Variants in TMEM217B observed in about 807,000 individuals in gnomAD.
TMEM217B encodes transmembrane protein 217B.
the TMEM217B span, among the ~76,000 whole-genome samples, chr6:37,239,534 A>G: frequency 6.6e-6 from 1 of 152,176 alleles, no homozygotes; most frequent in African/African-American, 2.4e-5. Context: ...GATATGAGAA[A>G]GCATTGAAGC....
At chr6:37,252,937 A>C in the TMEM217B span, among the ~76,000 whole-genome samples, 1 of 151,874 alleles carries the variant, frequency 6.6e-6, no homozygotes, top group Non-Finnish European at 1.5e-5. Context: ...ACTGTTACCC[A>C]GGTGATGTAT....
chr6:37,238,614 G>A, the TMEM217B span, among the ~76,000 whole-genome samples: 9 of 152,190 alleles, frequency 5.9e-5, no homozygotes, highest in Non-Finnish European at 1.3e-4. Flanking sequence ...GGTAAGAGAA[G>A]ATGATGTGGC....
At chr6:37,219,125 C>G in the TMEM217B span, 2 of 1,236,944 alleles carry the variant, frequency 1.6e-6, no homozygotes, top group South Asian at 1.4e-5. Context: ...TTCCCCAAAT[C>G]TACTTTGGAG....
the TMEM217B span, chr6:37,215,149 C>A: frequency 6.2e-7 from 1 of 1,603,478 alleles, no homozygotes; most frequent in Non-Finnish European, 8.5e-7. Context: ...ACTTCCCTTT[C>A]TGCCGCTAGC....
At chr6:37,245,695 C>CAGG in the TMEM217B span, among the ~76,000 whole-genome samples, 4 of 151,402 alleles carry the variant, frequency 2.6e-5, no homozygotes, top group African/African-American at 7.3e-5. Flanking sequence ...AGAGGAGGAG[C>CAGG]AGGAGGAGGA....
chr6:37,225,213 A>G, the TMEM217B span, among the ~76,000 whole-genome samples: 2 of 152,218 alleles, frequency 1.3e-5, no homozygotes, highest in South Asian at 4.2e-4. Context: ...AAAAGAAAAA[A>G]AAATTACCAA....
At chr6:37,222,449 C>T in the TMEM217B span, among the ~76,000 whole-genome samples, 1 of 152,190 alleles carries the variant, frequency 6.6e-6, no homozygotes, top group Non-Finnish European at 1.5e-5. Context: ...AGGGGGCCTC[C>T]TGGGGTCCCC....
the TMEM217B span, among the ~76,000 whole-genome samples, chr6:37,219,343 A>G: frequency 2.0e-5 from 3 of 152,196 alleles, no homozygotes; most frequent in East Asian, 5.8e-4. Context: ...ACCAATCACA[A>G]CATTCTCTGG....
chr6:37,236,567 A>G, the TMEM217B span, among the ~76,000 whole-genome samples: 1 of 152,052 alleles, frequency 6.6e-6, no homozygotes, highest in Non-Finnish European at 1.5e-5. Context: ...TTGCAAGTCA[A>G]ATGCCCAGGC....
At chr6:37,237,124 C>A in the TMEM217B span, among the ~76,000 whole-genome samples, 1 of 152,136 alleles carries the variant, frequency 6.6e-6, no homozygotes, top group Non-Finnish European at 1.5e-5. Context: ...AAGTGAGTCA[C>A]CAAGGCCATA....
the TMEM217B span, among the ~76,000 whole-genome samples, chr6:37,217,229 G>A: frequency 2.0e-5 from 3 of 152,346 alleles, no homozygotes; most frequent in African/African-American, 7.2e-5. Flanking sequence ...GGGAGGCGGG[G>A]GTTGCAGTGA....
At chr6:37,228,025 C>A in the TMEM217B span, among the ~76,000 whole-genome samples, 2 of 152,084 alleles carry the variant, frequency 1.3e-5, no homozygotes, top group Non-Finnish European at 2.9e-5. Flanking sequence ...GATAAAGAGA[C>A]TTCTAAAGCA....
chr6:37,254,989 T>C, the TMEM217B span, among the ~76,000 whole-genome samples: 1 of 152,216 alleles, frequency 6.6e-6, no homozygotes, highest in Non-Finnish European at 1.5e-5. Flanking sequence ...TTCAAACTCC[T>C]GTGAGAATCT....
chr6:37,239,625 C>T, the TMEM217B span, among the ~76,000 whole-genome samples: 1 of 152,036 alleles, frequency 6.6e-6, no homozygotes, highest in Admixed American at 6.6e-5. Context: ...CTTAGATTTA[C>T]TCAATCATGG....
chr6:37,230,725 A>G, the TMEM217B span, among the ~76,000 whole-genome samples: 120,221 of 152,122 alleles, frequency 0.79, 47,972 homozygotes, highest in East Asian at 0.91. Flanking sequence ...ACTCTGTGAT[A>G]TGTAGTTATA....
the TMEM217B span, among the ~76,000 whole-genome samples, chr6:37,254,632 G>T: frequency 6.6e-6 from 1 of 152,130 alleles, no homozygotes; most frequent in Non-Finnish European, 1.5e-5. Flanking sequence ...AAAAATATGT[G>T]AACAACATAG....
the TMEM217B span, chr6:37,218,066 G>A: frequency 1.0e-6 from 1 of 1,004,720 alleles, no homozygotes; most frequent in Non-Finnish European, 1.2e-6. Flanking sequence ...AAAAGTGGGG[G>A]GAAAAAAGGA....
chr6:37,250,768 C>G, the TMEM217B span, among the ~76,000 whole-genome samples: 2 of 152,222 alleles, frequency 1.3e-5, no homozygotes, highest in African/African-American at 4.8e-5. Flanking sequence ...CTAAACAATG[C>G]CCATATTACA....
the TMEM217B span, among the ~76,000 whole-genome samples, chr6:37,237,239 C>T: frequency 6.6e-6 from 1 of 152,122 alleles, no homozygotes; most frequent in Non-Finnish European, 1.5e-5. Context: ...ATCAAAGTTC[C>T]CGCATTTGCC....
Sources: gnomAD v4.1 joint callset for allele counts (sites outside exome capture counted in the v4.1 genomes callset) on GRCh38, gnomAD v4.1.1 for gene constraint, MANE v1.5 for transcripts, NCBI Gene and HGNC (gene_info 2026-07-23, HGNC 2026-07-21) for gene names.